The following STIP1 variants were observed in gnomAD, a reference collection of about 807,000 sequenced individuals.
STIP1 encodes the protein stress-induced-phosphoprotein 1.
STIP1 carries 16 observed loss-of-function variants against 77.4 expected under a neutral mutation model. That is an observed-to-expected ratio of 0.21 (90% CI 0.14 to 0.31). The LOEUF (loss-of-function observed/expected upper bound fraction) is 0.31. STIP1 is among the 10% of genes least tolerant of loss of function. STIP1 has a pLI of 1.00. For synonymous variants in STIP1, 258 were observed against 246.6 expected, an observed-to-expected ratio of 1.05 and a Z score of -0.44; for missense variants, 524 against 684.8, an observed-to-expected ratio of 0.77 and a Z score of 2.62.
chr11:64,185,596 G>A, upstream of STIP1: 2 of 575,512 alleles, frequency 3.5e-6, no homozygotes, highest in Admixed American at 3.2e-5. Flanking sequence ...TGGCGATCCC[G>A]GGGACCGCCT....
chr11:64,191,927 C>T (rs1451188129), intron 1 of STIP1, among the ~76,000 whole-genome samples: 1 of 151,834 alleles, frequency 6.6e-6, no homozygotes, highest in African/African-American at 2.4e-5. Flanking sequence ...CAGAGGTGCT[C>T]CTCTCTCCCC....
chr11:64,186,056 G>C, upstream of STIP1: 10 of 1,546,638 alleles, frequency 6.5e-6, no homozygotes, highest in Non-Finnish European at 7.0e-6. Flanking sequence ...CCAATGAGAA[G>C]GAAGTGGAGA....
At chr11:64,202,293 C>T (rs533725967) in intron 10 of STIP1, 2 of 151,904 alleles carry the variant, frequency 1.3e-5, no homozygotes, top group East Asian at 3.9e-4. Context: ...AGTGCAATGG[C>T]GTGATCTTGG....
At chr11:64,199,570 T>C (rs1946192501) in intron 8 of STIP1, among the ~76,000 whole-genome samples, 4 of 145,666 alleles carry the variant, frequency 2.7e-5, no homozygotes, top group Non-Finnish European at 6.0e-5. Context: ...AATCTGATTT[T>C]TTTTTTTTTT....
Position 64,198,024 on chromosome 11 carries a change from CCATTGT to C in STIP1, c.1023+51_1023+56del, listed in dbSNP as rs1288121578. On this transcript the variant is annotated intron_variant, in intron 8 of 13. Transcript: ENST00000305218. Reference sequence around the variant, plus strand: ...TTTTCTTGTTTTCCTAATAATTGAGCCATTGTTTCTTACTGTTTTATTTAATAATGA... The same window carrying C: ...TTTTCTTGTTTTCCTAATAATTGAGCTTCTTACTGTTTTATTTAATAATGA... 1.9e-6 allele frequency: 3 copies of C among 1,565,162 alleles called. No homozygotes were observed. In the East Asian group the frequency reaches 6.8e-5, roughly 35 times the overall value.
At chr11:64,187,857 T>C (rs1344786711) in intron 1 of STIP1, among the ~76,000 whole-genome samples, 1 of 151,158 alleles carries the variant, frequency 6.6e-6, no homozygotes. Context: ...GAAGAAAAAT[T>C]AGCCGGGCGT....
In STIP1 at chr11:64,203,147, C is replaced by T. The variant is rs199591455; in HGVS notation, c.1305C>T (p.Ala435=). 4.8e-5 allele frequency: 78 copies of T among 1,614,054 alleles called. No individual in the cohort carries two copies. In the Middle Eastern group the frequency reaches 4.9e-4, roughly 10 times the overall value. Residue 435 remains alanine (A), a synonymous_variant, in exon 12 of 14, where the codon GCC becomes GCT. Transcript: ENST00000305218. ...TAGTCAAGGGTTATACACGGAAAGCCGCTGCGCTGGAAGCGATGAAGGACT... is the reference window on the plus strand; with the variant it reads ...TAGTCAAGGGTTATACACGGAAAGCTGCTGCGCTGGAAGCGATGAAGGACT... ...PTFIKGYTRK[A]AALEAMKDYT...
Position 64,186,249 on chromosome 11 carries a change from A to C in STIP1, c.-13A>C, listed in dbSNP as rs201738240. 18 of 1,418,910 alleles carry C rather than the reference A, an allele frequency of 1.3e-5. No individual in the cohort carries two copies. Among genetic ancestry groups the C allele is most frequent in the South Asian group, 2.4e-5 (2 of 82,560 alleles). 87.9% of individuals were successfully genotyped at this position (1,418,910 alleles called of 1,614,324 possible). Reference sequence around the variant, plus strand: ...CGGATTCGATTCAACGGGGTTCCGGACCGCGCTGCGCTATGGAGCAGGTGA... The same window carrying C: ...CGGATTCGATTCAACGGGGTTCCGGCCCGCGCTGCGCTATGGAGCAGGTGA... On this transcript the variant is annotated 5_prime_UTR_variant, in exon 1 of 14. Coordinates refer to ENST00000305218, the MANE Select transcript of STIP1 (RefSeq NM_006819.3).
intron 5 of STIP1, among the ~76,000 whole-genome samples, chr11:64,196,355 C>T (rs1413567833): frequency 1.4e-5 from 2 of 140,940 alleles, no homozygotes; most frequent in Non-Finnish European, 3.0e-5. Context: ...GAGAGCTCAT[C>T]ACTACACTCC....
At position 64,197,513 on chromosome 11, in the gene STIP1, G is replaced by A. The variant is rs748280089; in HGVS notation, c.820G>A (p.Asp274Asn). 13 of 1,614,026 alleles carry A rather than the reference G, an allele frequency of 8.1e-6. No individual in the cohort carries two copies. In the Admixed American group the frequency reaches 1.5e-4, roughly 19 times the overall value. The change falls in exon 7 of 14, where the codon GAC becomes AAC. Residue 274 changes from aspartate to asparagine, a missense_variant. Asp to Asn is a conservative substitution (Grantham distance 23, BLOSUM62 1). Transcript: ENST00000305218. ...NQAAVYFEKG[D>N]YNKCRELCEK... ...GGCAGCGGTATACTTTGAAAAGGGCGACTACAATAAGTGCCGGGAGCTTTG... is the reference window on the plus strand; with the variant it reads ...GGCAGCGGTATACTTTGAAAAGGGCAACTACAATAAGTGCCGGGAGCTTTG...
At chr11:64,188,607 G>A (rs1437328118) in intron 1 of STIP1, among the ~76,000 whole-genome samples, 2 of 152,102 alleles carry the variant, frequency 1.3e-5, no homozygotes, top group Non-Finnish European at 2.9e-5. Flanking sequence ...GAATTTCTAG[G>A]CTCAAGCAAT....
intron 1 of STIP1, among the ~76,000 whole-genome samples, chr11:64,192,086 G>A (rs1297360780): frequency 1.3e-5 from 2 of 152,184 alleles, no homozygotes; most frequent in Admixed American, 1.3e-4. Flanking sequence ...GCCAAGGCGT[G>A]TGGATCACCT....
chr11:64,197,664 G>T, intron 7 of STIP1, 69 bp downstream of exon 7: 3 of 1,589,372 alleles, frequency 1.9e-6, no homozygotes, highest in Non-Finnish European at 2.6e-6. Flanking sequence ...AAGTTTCTCT[G>T]CATGGGGAGG....
chr11:64,203,620 C>T lies in STIP1; in HGVS notation c.1557C>T (p.Ser519=). 1 of 1,614,126 alleles carries T rather than the reference C, an allele frequency of 6.2e-7. No individual in the cohort carries two copies. The highest frequency in any genetic ancestry group is 8.5e-7 in the Non-Finnish European group (1 of 1,180,028). The change falls in exon 13 of 14, where the codon AGC becomes AGT. Residue 519 remains serine, a splice_region_variant and synonymous_variant. Transcript: ENST00000305218. ...TGCAGAAGGACCCCCAGGCACTCAG[C>T]GAGTACGTAGAGTCAGAGAGGCGGC... ...EQMQKDPQAL[S]EHLKNPVIAQ...
Position 64,197,590 on chromosome 11 carries a change from T to C in STIP1, c.897T>C (p.Ile299=). 6.2e-7 allele frequency: 1 copy of C among 1,614,136 alleles called. No individual in the cohort carries two copies. Among genetic ancestry groups the C allele is most frequent in the Non-Finnish European group, 8.5e-7 (1 of 1,179,992 alleles). Residue 299 remains isoleucine (I), a synonymous_variant, in exon 7 of 14, where the codon ATT becomes ATC. Coordinates refer to ENST00000305218, the MANE Select transcript of STIP1 (RefSeq NM_006819.3). ...AAAACCGAGAAGACTATCGACAGAT[T>C]GCCAAGTAGGCTCAACCTTCCAGAA... is the stretch of plus-strand genomic sequence containing the variant. ...GRENREDYRQ[I]AKAYARIGNS...
At chr11:64,194,373 T>A in intron 3 of STIP1, 43 bp downstream of exon 3, 1 of 1,611,202 alleles carries the variant, frequency 6.2e-7, no homozygotes, top group Non-Finnish European at 8.5e-7. Context: ...TTAATGTGAT[T>A]AATTTTGAGT....
intron 5 of STIP1, 79 bp downstream of exon 5, chr11:64,195,892 A>T: frequency 6.4e-7 from 1 of 1,573,878 alleles, no homozygotes; most frequent in Non-Finnish European, 8.7e-7. Context: ...ACATCTGTTG[A>T]CCTTGATTGA....
chr11:64,199,422 C>T (rs1425657810), intron 8 of STIP1, among the ~76,000 whole-genome samples: 1 of 144,490 alleles, frequency 6.9e-6, no homozygotes, highest in Non-Finnish European at 1.5e-5. Context: ...AGGAGAATGG[C>T]GTTGAACCCG....
At chr11:64,189,994 C>A (rs1393105796) in intron 1 of STIP1, among the ~76,000 whole-genome samples, 1 of 146,186 alleles carries the variant, frequency 6.8e-6, no homozygotes, top group Non-Finnish European at 1.5e-5. Flanking sequence ...ATTCCAAAAT[C>A]ATTTCTCTCT....
Sources: gnomAD v4.1 joint callset for allele counts (sites outside exome capture counted in the v4.1 genomes callset) on GRCh38, gnomAD v4.1.1 for gene constraint, MANE v1.5 for transcripts, NCBI Gene and HGNC (gene_info 2026-07-23, HGNC 2026-07-21) for gene names.